The following CNTN5 variants were observed in gnomAD, a reference collection of about 807,000 sequenced individuals.
CNTN5 encodes the protein contactin-5.
CNTN5 carries 77 observed loss-of-function variants against 129.1 expected under a neutral mutation model. That is an observed-to-expected ratio of 0.60 (90% CI 0.50 to 0.72). CNTN5 has a LOEUF of 0.72. CNTN5 is among the 30% of genes least tolerant of loss of function. The pLI, the probability that CNTN5 is intolerant of heterozygous loss-of-function variation, is 0.00. For missense variants in CNTN5, 1,478 were observed against 1,328.8 expected (o/e 1.11, Z -1.75); for synonymous variants, 509 against 465.6 (o/e 1.09, Z -1.20).
chr11:100,313,421 G>A (rs1392109471), intron 21 of CNTN5, among the ~76,000 whole-genome samples: 1 of 146,536 alleles, frequency 6.8e-6, no homozygotes, highest in Non-Finnish European at 1.5e-5. Flanking sequence ...TATCTGGCTT[G>A]GACACATAGG....
chr11:99,530,684 T>G (rs1278759432), intron 2 of CNTN5, among the ~76,000 whole-genome samples: 1 of 152,198 alleles, frequency 6.6e-6, no homozygotes, highest in African/African-American at 2.4e-5. Context: ...AGGAGGTAAT[T>G]GAATCATGGG....
At chr11:99,289,239 G>A (rs561535541) in intron 1 of CNTN5, among the ~76,000 whole-genome samples, 34 of 151,740 alleles carry the variant, frequency 2.2e-4, no homozygotes, top group Admixed American at 1.6e-3. Context: ...TTTCTTTGTC[G>A]TTACTTATGG....
chr11:100,208,859 T>A (rs746866600), intron 15 of CNTN5, among the ~76,000 whole-genome samples: 2 of 152,128 alleles, frequency 1.3e-5, no homozygotes, highest in African/African-American at 4.8e-5. Flanking sequence ...GTGGTCTCAG[T>A]TGGGGTCATA....
intron 2 of CNTN5, among the ~76,000 whole-genome samples, chr11:99,353,101 A>T (rs1046126647): frequency 2.6e-5 from 4 of 152,122 alleles, no homozygotes; most frequent in Non-Finnish European, 4.4e-5. Context: ...GATTTCCTAT[A>T]AGCCCTTTCA....
intron 18 of CNTN5, among the ~76,000 whole-genome samples, chr11:100,287,146 G>T: frequency 6.6e-6 from 1 of 152,332 alleles, no homozygotes; most frequent in African/African-American, 2.4e-5. Flanking sequence ...GTACCTGAAA[G>T]TGTTGGGGAG....
intron 2 of CNTN5, among the ~76,000 whole-genome samples, chr11:99,393,756 C>A (rs1229986805): frequency 1.3e-5 from 2 of 151,578 alleles, no homozygotes; most frequent in African/African-American, 4.8e-5. Context: ...CATATGAGTT[C>A]TATAGTAACT....
chr11:99,332,201 CTCTGTTTATATTTTAACCCTA>C (rs973652984), intron 2 of CNTN5, among the ~76,000 whole-genome samples: 5 of 152,062 alleles, frequency 3.3e-5, no homozygotes, highest in Non-Finnish European at 5.9e-5. Context: ...TCACTAATTT[CTCTGTTTATATTTTAACCCTA>C]TCTGGCATGC....
chr11:99,900,493 C>G (rs1949327022), intron 6 of CNTN5, among the ~76,000 whole-genome samples: 2 of 151,938 alleles, frequency 1.3e-5, no homozygotes, highest in African/African-American at 2.4e-5. Flanking sequence ...CTTACCATTG[C>G]CTTTGCTGTA....
At chr11:100,193,391 T>C in intron 14 of CNTN5, 97 bp from the exon 15 acceptor site, 1 of 760,206 alleles carries the variant, frequency 1.3e-6, no homozygotes, top group Non-Finnish European at 2.0e-6. Flanking sequence ...AACTGTATTG[T>C]ATAGATTTCT....
At chr11:99,353,644 C>T (rs1938448664) in intron 2 of CNTN5, among the ~76,000 whole-genome samples, 1 of 152,210 alleles carries the variant, frequency 6.6e-6, no homozygotes, top group South Asian at 2.1e-4. Flanking sequence ...CTCCTTCACA[C>T]AGGCTTACCA....
At chr11:99,591,959 T>A (rs1204408915) in intron 3 of CNTN5, among the ~76,000 whole-genome samples, 1 of 152,216 alleles carries the variant, frequency 6.6e-6, no homozygotes, top group Non-Finnish European at 1.5e-5. Context: ...ACAATTTTTT[T>A]AAGAATATGG....
chr11:99,519,391 T>G (rs1303413752), intron 2 of CNTN5, among the ~76,000 whole-genome samples: 2 of 152,048 alleles, frequency 1.3e-5, no homozygotes, highest in African/African-American at 4.8e-5. Flanking sequence ...CTCATTTGAG[T>G]GTGATTATTT....
At chr11:99,081,959 T>C (rs1865818364) in intron 1 of CNTN5, among the ~76,000 whole-genome samples, 3 of 152,158 alleles carry the variant, frequency 2.0e-5, no homozygotes, top group Admixed American at 6.5e-5. Flanking sequence ...TAATATAACA[T>C]ACAAAATTTT....
intron 2 of CNTN5, among the ~76,000 whole-genome samples, chr11:99,468,385 G>A (rs2135264349): frequency 6.6e-6 from 1 of 152,100 alleles, no homozygotes; most frequent in African/African-American, 2.4e-5. Flanking sequence ...GTCTCTATCA[G>A]AACCAAGAAC....
In CNTN5 at chr11:100,356,298, C is replaced by T. The variant is rs1306556220; in HGVS notation, c.*78C>T. The stretch of plus-strand genomic sequence containing the variant: ...ATAGAGTGTAGTGTAAGTGGAGAAC[C>T]AGGATCCTGAGATGAGCTTGAGCTT... On this transcript the variant is annotated 3_prime_UTR_variant, in exon 25 of 25. Coordinates refer to ENST00000524871, the MANE Select transcript of CNTN5 (RefSeq NM_014361.4). 1 of 983,812 alleles carries T rather than the reference C, an allele frequency of 1.0e-6. No individual in the cohort carries two copies. Among genetic ancestry groups the T allele is most frequent in the Admixed American group, 2.0e-5 (1 of 50,234 alleles). 60.9% of individuals were successfully genotyped at this position (983,812 alleles called of 1,614,324 possible).
intron 3 of CNTN5, among the ~76,000 whole-genome samples, chr11:99,585,149 G>A (rs1333741498): frequency 6.6e-6 from 1 of 152,188 alleles, no homozygotes; most frequent in Non-Finnish European, 1.5e-5. Context: ...CTATAAGACA[G>A]ATGAAAGGAT....
rs186629397 is a variant in CNTN5, at chr11:99,536,870, A to G, written c.-70-19275A>G. ...TAGTCACATTAAAAAAAAAAAAAAGAAAAAGGAAACAATTAAAACGTAATA... is the reference window on the plus strand; with the variant it reads ...TAGTCACATTAAAAAAAAAAAAAAGGAAAAGGAAACAATTAAAACGTAATA... On this transcript the variant is annotated intron_variant, in intron 2 of 24. Transcript: ENST00000524871. Among the ~76,000 whole-genome samples, 35 of 147,344 alleles carry G rather than the reference A, an allele frequency of 2.4e-4. No homozygotes were observed. The East Asian group carries it at 5.8e-3, about 24-fold the overall frequency.
intron 1 of CNTN5, among the ~76,000 whole-genome samples, chr11:99,252,848 A>G (rs186640703): frequency 3.3e-5 from 5 of 152,110 alleles, no homozygotes; most frequent in East Asian, 1.9e-4. Context: ...CCTGATTACA[A>G]TGAAGTTGAA....
At chr11:100,044,838 G>A (rs1942582401) in intron 9 of CNTN5, among the ~76,000 whole-genome samples, 1 of 152,016 alleles carries the variant, frequency 6.6e-6, no homozygotes, top group Non-Finnish European at 1.5e-5. Context: ...TACAGGTCCA[G>A]AGACCTGTAT....
Sources: gnomAD v4.1 joint callset for allele counts (sites outside exome capture counted in the v4.1 genomes callset) on GRCh38, gnomAD v4.1.1 for gene constraint, MANE v1.5 for transcripts, NCBI Gene and HGNC (gene_info 2026-07-23, HGNC 2026-07-21) for gene names.